Variants in SYNDIG1L observed in about 807,000 individuals in gnomAD.
SYNDIG1L encodes the protein synapse differentiation-inducing gene protein 1-like.
Under a neutral mutation model 20.1 loss-of-function variants are expected in SYNDIG1L, and 13 were observed. The observed-to-expected ratio is 0.65, with a 90% CI of 0.42 to 1.03. The LOEUF is 1.03. Ranked by LOEUF, SYNDIG1L falls within the 50% of genes least tolerant of loss-of-function variation. The pLI is 0.00. For missense variants in SYNDIG1L, 294 were observed against 305.1 expected, an observed-to-expected ratio of 0.96 and a Z score of 0.27; for synonymous variants, 128 against 129.3, an observed-to-expected ratio of 0.99 and a Z score of 0.07.
At chr14:74,478,439 A>T in the SYNDIG1L span, among the ~76,000 whole-genome samples, 1 of 152,254 alleles carries the variant, frequency 6.6e-6, no homozygotes, top group Non-Finnish European at 1.5e-5. Flanking sequence ...AAATAGTTTA[A>T]CACTCAAACT....
the SYNDIG1L span, among the ~76,000 whole-genome samples, chr14:74,465,377 C>T: frequency 6.6e-6 from 1 of 152,200 alleles, no homozygotes; most frequent in Non-Finnish European, 1.5e-5. Flanking sequence ...GCAGCTCAAG[C>T]CGGCTCATCC....
At position 74,406,267 on chromosome 14, in the gene SYNDIG1L, AC is replaced by A. The variant is rs1156696144; in HGVS notation, c.*1267del. 2 of 395,616 alleles carry A rather than the reference AC, an allele frequency of 5.1e-6. No homozygotes were observed. Among genetic ancestry groups the A allele is most frequent in the African/African-American group, 2.1e-5 (1 of 48,534 alleles). The allele number at this position is 395,616 out of a possible 1,614,324, so 24.5% of individuals were successfully genotyped here. On this transcript the variant is annotated 3_prime_UTR_variant, in exon 4 of 4. Transcript: ENST00000331628. The stretch of plus-strand genomic sequence containing the variant: ...AGGGGTAACCAGGTACCCACCACTG[AC>A]CCCCTAGCATTCAGAGATGGGAAAA...
At chr14:74,410,809 G>C (rs1461299462) in intron 1 of SYNDIG1L, among the ~76,000 whole-genome samples, 1 of 152,174 alleles carries the variant, frequency 6.6e-6, no homozygotes, top group African/African-American at 2.4e-5. Context: ...TGGTCTTAGA[G>C]GGATACACCT....
chr14:74,407,515 G>A lies in SYNDIG1L; in HGVS notation c.*20C>T. 6.2e-7 allele frequency: 1 copy of A among 1,613,054 alleles called. No homozygotes were observed. The highest frequency in any genetic ancestry group is 8.5e-7 in the Non-Finnish European group (1 of 1,179,816). ...TTCCTCAGGTGGGCAGGGGAGTCAG[G>A]ATGCAGGCCCTACTGGCTACTAGCC... On this transcript the variant is annotated 3_prime_UTR_variant, in exon 4 of 4. Transcript: ENST00000331628.
intron 1 of SYNDIG1L, among the ~76,000 whole-genome samples, chr14:74,423,357 A>C (rs143902423): frequency 1.1e-3 from 167 of 152,348 alleles, no homozygotes; most frequent in African/African-American, 3.9e-3. Flanking sequence ...TCTGCAGACC[A>C]GCCTTGCAGA....
the SYNDIG1L span, among the ~76,000 whole-genome samples, chr14:74,437,909 C>T: frequency 2.0e-5 from 3 of 152,194 alleles, no homozygotes; most frequent in Non-Finnish European, 4.4e-5. Context: ...TCTTTAGCCA[C>T]GTTCTTCTGC....
chr14:74,469,665 G>C, the SYNDIG1L span, among the ~76,000 whole-genome samples: 25,394 of 152,166 alleles, frequency 0.17, 2,221 homozygotes, highest in South Asian at 0.26. Flanking sequence ...TGTGTTCCCT[G>C]CTCATTGCTA....
At chr14:74,473,203 T>A in the SYNDIG1L span, among the ~76,000 whole-genome samples, 1 of 151,902 alleles carries the variant, frequency 6.6e-6, no homozygotes, top group Non-Finnish European at 1.5e-5. Flanking sequence ...CTGGCCAATA[T>A]AGTGATACCC....
At chr14:74,429,405 A>G (rs546414639), upstream of SYNDIG1L, among the ~76,000 whole-genome samples, 131 of 152,330 alleles carry the variant, frequency 8.6e-4, 1 homozygote, top group Non-Finnish European at 8.2e-4. Flanking sequence ...TTCCCTTCAT[A>G]AGCTTTTTCA....
the SYNDIG1L span, among the ~76,000 whole-genome samples, chr14:74,477,531 A>G: frequency 6.6e-6 from 1 of 152,212 alleles, no homozygotes; most frequent in Non-Finnish European, 1.5e-5. Context: ...TAAAAAAAAA[A>G]AAGATCACTC....
the SYNDIG1L span, chr14:74,479,923 G>A: frequency 8.3e-7 from 1 of 1,209,240 alleles, no homozygotes; most frequent in Non-Finnish European, 1.1e-6. Flanking sequence ...AGGAGCAGGA[G>A]AAGACCACAG....
the SYNDIG1L span, among the ~76,000 whole-genome samples, chr14:74,468,430 T>G: frequency 9.2e-5 from 14 of 152,050 alleles, no homozygotes; most frequent in African/African-American, 3.4e-4. Context: ...TGTCTCTCCC[T>G]CATTTGACCT....
the SYNDIG1L span, among the ~76,000 whole-genome samples, chr14:74,453,376 AAAAAAAAAAAAAAAAG>A: frequency 7.5e-3 from 535 of 71,484 alleles, 42 homozygotes; most frequent in African/African-American, 9.0e-3. Context: ...AAAAAAAAAA[AAAAAAAAAAAAAAAAG>A]AAGAAGAAGA....
chr14:74,473,446 G>A, the SYNDIG1L span, among the ~76,000 whole-genome samples: 1 of 152,140 alleles, frequency 6.6e-6, no homozygotes, highest in Non-Finnish European at 1.5e-5. Context: ...TTGGCTGAAT[G>A]AATGATGGAT....
At chr14:74,478,716 G>A in the SYNDIG1L span, among the ~76,000 whole-genome samples, 1 of 152,172 alleles carries the variant, frequency 6.6e-6, no homozygotes, top group Non-Finnish European at 1.5e-5. Flanking sequence ...TCCTTCTGAG[G>A]AGACATCATC....
the SYNDIG1L span, among the ~76,000 whole-genome samples, chr14:74,441,983 C>T: frequency 1.1e-4 from 16 of 152,138 alleles, no homozygotes; most frequent in African/African-American, 3.9e-4. Context: ...ATTGCAGGGT[C>T]TAGAATCAGA....
chr14:74,477,042 A>G, the SYNDIG1L span, among the ~76,000 whole-genome samples: 9 of 14,338 alleles, frequency 6.3e-4, no homozygotes, highest in African/African-American at 2.8e-3. Context: ...CATTCCCAAC[A>G]CACACACACA....
chr14:74,427,855 C>T (rs1251022739), upstream of SYNDIG1L, among the ~76,000 whole-genome samples: 1 of 152,212 alleles, frequency 6.6e-6, no homozygotes, highest in Non-Finnish European at 1.5e-5. Flanking sequence ...TTTCTCTGGC[C>T]TTCCTCTCAC....
chr14:74,476,236 G>A, the SYNDIG1L span: 3 of 595,082 alleles, frequency 5.0e-6, no homozygotes, highest in Non-Finnish European at 9.0e-6. Flanking sequence ...GCTGAGAACA[G>A]TCTGCTGCTG....
Sources: gnomAD v4.1 joint callset for allele counts (sites outside exome capture counted in the v4.1 genomes callset) on GRCh38, gnomAD v4.1.1 for gene constraint, MANE v1.5 for transcripts, NCBI Gene and HGNC (gene_info 2026-07-23, HGNC 2026-07-21) for gene names.